Variants in SCD5 observed in about 807,000 individuals in gnomAD.
The protein encoded by SCD5 is acyl-CoA-desaturase 4.
In SCD5, 20 loss-of-function variants were observed where a neutral mutation model predicts 30.4. That is an observed-to-expected ratio of 0.66 (90% CI 0.46 to 0.96). SCD5 has a LOEUF of 0.96. SCD5 is among the 40% of genes least tolerant of loss of function. SCD5 has a pLI of 0.00. For synonymous variants in SCD5, 173 were observed against 176.4 expected, an observed-to-expected ratio of 0.98 and a Z score of 0.16; for missense variants, 381 against 443.3, an observed-to-expected ratio of 0.86 and a Z score of 1.26.
At chr4:82,778,923 G>A (rs913674410) in intron 1 of SCD5, among the ~76,000 whole-genome samples, 2 of 150,898 alleles carry the variant, frequency 1.3e-5, no homozygotes, top group Non-Finnish European at 2.9e-5. Context: ...CTAGAGTGCA[G>A]CCGTACAATC....
intron 2 of SCD5, among the ~76,000 whole-genome samples, chr4:82,702,273 T>C (rs1156342235): frequency 1.3e-5 from 2 of 150,216 alleles, no homozygotes; most frequent in Non-Finnish European, 3.0e-5. Context: ...GCCTCTCAAA[T>C]AGCTGGGACT....
At chr4:82,767,731 C>A (rs1299788688) in intron 1 of SCD5, among the ~76,000 whole-genome samples, 6 of 152,078 alleles carry the variant, frequency 3.9e-5, no homozygotes, top group Non-Finnish European at 8.8e-5. Context: ...ATTTAAAAGT[C>A]TTTGATACAT....
At chr4:82,777,556 G>A (rs557363063) in intron 1 of SCD5, among the ~76,000 whole-genome samples, 63 of 152,286 alleles carry the variant, frequency 4.1e-4, no homozygotes, top group Middle Eastern at 6.8e-3. Flanking sequence ...GTGACACAGG[G>A]CCCCATCCTT....
intron 1 of SCD5, among the ~76,000 whole-genome samples, chr4:82,785,459 G>C (rs957763759): frequency 9.2e-5 from 14 of 152,132 alleles, no homozygotes; most frequent in African/African-American, 3.4e-4. Flanking sequence ...AGTCCTTTTC[G>C]TTTGTCCTGT....
chr4:82,712,277 TA>T lies in SCD5; in HGVS notation c.233-6865del, dbSNP rs1720118023. 2.5e-4 allele frequency among the ~76,000 whole-genome samples: 12 copies of T among 48,942 alleles called. 2 individuals carry two copies. The highest frequency in any genetic ancestry group is 1.2e-3 in the African/African-American group (11 of 8,852). 32.1% of individuals were successfully genotyped at this position (48,942 alleles called of 152,430 possible). ...ATATATATATATATATATATATATA[TA>T]TATATATATATATATATATTTTATT... On this transcript the variant is annotated intron_variant, in intron 1 of 4. Coordinates refer to ENST00000319540, the MANE Select transcript of SCD5 (RefSeq NM_001037582.3).
chr4:82,652,370 A>C (rs1727776002), intron 3 of SCD5, among the ~76,000 whole-genome samples: 2 of 152,234 alleles, frequency 1.3e-5, no homozygotes, highest in Admixed American at 6.5e-5. Context: ...AAAATATAAA[A>C]TATACCAGCA....
chr4:82,785,237 C>T (rs551452215), intron 1 of SCD5, among the ~76,000 whole-genome samples: 9 of 152,326 alleles, frequency 5.9e-5, no homozygotes, highest in Middle Eastern at 3.4e-3. Context: ...GAAGCAGATA[C>T]AAGAAGAGCT....
chr4:82,675,858 C>T (rs1728425061), intron 3 of SCD5, among the ~76,000 whole-genome samples: 2 of 152,222 alleles, frequency 1.3e-5, no homozygotes, highest in Admixed American at 1.3e-4. Flanking sequence ...AATCGCTCTG[C>T]TTAAGGCAGA....
At chr4:82,657,306 T>G (rs1019996905) in intron 3 of SCD5, among the ~76,000 whole-genome samples, 9 of 152,200 alleles carry the variant, frequency 5.9e-5, no homozygotes, top group Non-Finnish European at 1.0e-4. Context: ...CAGTTTCAGT[T>G]TTCTGCATTT....
chr4:82,726,239 G>C (rs1418032253), intron 1 of SCD5, among the ~76,000 whole-genome samples: 1 of 152,064 alleles, frequency 6.6e-6, no homozygotes, highest in Admixed American at 6.6e-5. Context: ...CCAACATGGA[G>C]AAACCCCATC....
chr4:82,713,593 T>C (rs1720157017), intron 1 of SCD5, among the ~76,000 whole-genome samples: 1 of 152,220 alleles, frequency 6.6e-6, no homozygotes, highest in Non-Finnish European at 1.5e-5. Flanking sequence ...TCCAGTGCTA[T>C]CTGCCCTTAC....
At chr4:82,737,727 T>C (rs528804805) in intron 1 of SCD5, among the ~76,000 whole-genome samples, 47 of 152,366 alleles carry the variant, frequency 3.1e-4, no homozygotes, top group Non-Finnish European at 4.6e-4. Context: ...CTGATTTATA[T>C]TGTGCCTTTC....
At chr4:82,680,429 C>T (rs527951750) in intron 3 of SCD5, among the ~76,000 whole-genome samples, 3 of 152,220 alleles carry the variant, frequency 2.0e-5, no homozygotes, top group Admixed American at 2.0e-4. Flanking sequence ...GAAACAGATT[C>T]CATGAAATCA....
intron 1 of SCD5, among the ~76,000 whole-genome samples, chr4:82,751,698 C>T (rs7437835): frequency 0.42 from 63,451 of 152,112 alleles, 16,370 homozygotes; most frequent in South Asian, 0.59. Context: ...GCAATCTCCG[C>T]GCACTGCAAC....
chr4:82,735,298 T>C (rs1398449744), intron 1 of SCD5, among the ~76,000 whole-genome samples: 2 of 152,038 alleles, frequency 1.3e-5, no homozygotes. Flanking sequence ...TTGATTGGCG[T>C]GTCTACACGG....
chr4:82,796,760 C>T (rs754355036), intron 1 of SCD5, among the ~76,000 whole-genome samples: 3 of 152,148 alleles, frequency 2.0e-5, no homozygotes, highest in Non-Finnish European at 4.4e-5. Flanking sequence ...GAGAGAGGAG[C>T]TTGTTGGAGA....
intron 2 of SCD5, 54 bp downstream of exon 2, chr4:82,705,229 C>A (rs1876218): frequency 0.42 from 670,771 of 1,596,242 alleles, 146,442 homozygotes; most frequent in Admixed American, 0.49. Flanking sequence ...CCCCTCCTCC[C>A]ATACTGCCAT....
intron 1 of SCD5, among the ~76,000 whole-genome samples, chr4:82,724,766 A>G (rs1234418395): frequency 1.3e-5 from 2 of 152,218 alleles, no homozygotes; most frequent in Non-Finnish European, 2.9e-5. Context: ...TAGACAGGTG[A>G]TAGATACCCT....
Position 82,636,858 on chromosome 4 carries a change from C to A in SCD5, c.570-35G>T, listed in dbSNP as rs565870887. 6 of 1,528,228 alleles carry A rather than the reference C, an allele frequency of 3.9e-6. No individual in the cohort carries two copies. The Admixed American group carries it at 1.1e-4, about 29-fold the overall frequency. 94.7% of individuals were successfully genotyped at this position (1,528,228 alleles called of 1,614,324 possible). A position where few individuals can be genotyped will look rare whatever the true frequency, so the allele number is the denominator to read the frequency against. The stretch of plus-strand genomic sequence containing the variant: ...AAGACACCATATCACCATGAGGACC[C>A]GCTGATGGGAGAGAGGATGGGCTGA... On this transcript the variant is annotated intron_variant, in intron 3 of 4. Coordinates refer to ENST00000319540, the MANE Select transcript of SCD5 (RefSeq NM_001037582.3).
Sources: gnomAD v4.1 joint callset for allele counts (sites outside exome capture counted in the v4.1 genomes callset) on GRCh38, gnomAD v4.1.1 for gene constraint, MANE v1.5 for transcripts, NCBI Gene and HGNC (gene_info 2026-07-23, HGNC 2026-07-21) for gene names.